The following CPNE9 variants were observed in gnomAD, a reference collection of about 807,000 sequenced individuals.
CPNE9 encodes copine family member 9, also known as copine-9.
In CPNE9, 59 loss-of-function variants were observed where a neutral mutation model predicts 83.0. The ratio of observed to expected loss-of-function variants is 0.71; its 90% CI spans 0.58 to 0.88. CPNE9 has a LOEUF of 0.88. Ranked by LOEUF, CPNE9 falls within the 40% of genes least tolerant of loss-of-function variation. The probability of loss-of-function intolerance (pLI) is 0.00; values close to 1 mark genes in which losing one functional copy is unlikely to be tolerated. For missense variants in CPNE9, 619 were observed against 720.8 expected (o/e 0.86, Z 1.62); for synonymous variants, 256 against 273.4 (o/e 0.94, Z 0.63).
chr3:9,709,363 A>AC (rs1189555451), intron 7 of CPNE9, among the ~76,000 whole-genome samples: 1 of 148,878 alleles, frequency 6.7e-6, no homozygotes, highest in African/African-American at 2.5e-5. Flanking sequence ...ATAAGTTTAT[A>AC]ATTTTTTTTT....
At chr3:9,721,235 C>T (rs778010975) in intron 17 of CPNE9, among the ~76,000 whole-genome samples, 2 of 152,162 alleles carry the variant, frequency 1.3e-5, no homozygotes, top group Admixed American at 6.5e-5. Context: ...ACCAGAGCTT[C>T]CCAGACTTTT....
At chr3:9,710,173 A>G (rs1486068865) in intron 7 of CPNE9, among the ~76,000 whole-genome samples, 1 of 152,134 alleles carries the variant, frequency 6.6e-6, no homozygotes, top group African/African-American at 2.4e-5. Flanking sequence ...AAATTATACT[A>G]CATTTACATA....
intron 12 of CPNE9, 45 bp from the exon 13 acceptor site, chr3:9,715,428 T>C (rs780007053): frequency 6.2e-7 from 1 of 1,611,474 alleles, no homozygotes; most frequent in African/African-American, 1.3e-5. Flanking sequence ...AGTCTGGACC[T>C]CCCTTCCTTT....
intron 7 of CPNE9, among the ~76,000 whole-genome samples, chr3:9,707,992 G>A (rs1255014324): frequency 5.9e-5 from 9 of 152,142 alleles, no homozygotes; most frequent in South Asian, 4.2e-4. Context: ...AGGCTGGAGC[G>A]CGATGGTGCA....
intron 7 of CPNE9, among the ~76,000 whole-genome samples, 199 bp downstream of exon 7, chr3:9,706,262 T>C (rs1476653776): frequency 6.6e-6 from 1 of 150,376 alleles, no homozygotes; most frequent in Admixed American, 6.6e-5. Context: ...GTCTTTTCTT[T>C]TCTTTTTTTT....
chr3:9,715,012 A>G (rs952226234), intron 11 of CPNE9, 57 bp downstream of exon 11: 30 of 1,513,610 alleles, frequency 2.0e-5, no homozygotes, highest in Non-Finnish European at 2.7e-5. Context: ...GTTCTCAATA[A>G]TATGTTGTAC....
intron 15 of CPNE9, 73 bp from the exon 16 acceptor site, chr3:9,717,956 C>A: frequency 7.7e-7 from 1 of 1,304,438 alleles, no homozygotes; most frequent in Non-Finnish European, 1.1e-6. Context: ...TGGATGAATG[C>A]ACACAAAGAT....
rs543123405 is a variant in CPNE9 at position 9,708,151 on chromosome 3, T to G, written c.377+2088T>G. On this transcript the variant is annotated intron_variant, in intron 7 of 20. Coordinates refer to ENST00000383832, the MANE Select transcript of CPNE9 (RefSeq NM_153635.3). ...TTTTTGTAGAAACAGGGGGCCTCATTGTGTTTTTCAGGCTGGTCTTGAACT... is the reference window on the plus strand; with the variant it reads ...TTTTTGTAGAAACAGGGGGCCTCATGGTGTTTTTCAGGCTGGTCTTGAACT... Among the ~76,000 whole-genome samples, 3 of 152,294 alleles carry G rather than the reference T, an allele frequency of 2.0e-5. No homozygotes were observed. The East Asian group carries it at 5.8e-4, about 29-fold the overall frequency.
chr3:9,727,294 C>G (rs749173484), intron 20 of CPNE9, 108 bp downstream of exon 20: 59 of 1,183,138 alleles, frequency 5.0e-5, no homozygotes, highest in Non-Finnish European at 7.4e-5. Flanking sequence ...TTTTTTCCCC[C>G]GTCACTCTTT....
rs2125456774 is a variant in CPNE9, at chr3:9,703,941, T to C, written c.-56T>C. On this transcript the variant is annotated 5_prime_UTR_variant, in exon 1 of 21. An upstream open reading frame in the 5' UTR loses its in-frame stop. Transcript: ENST00000383832. ...CCGGCCCCGCCGCTGCCGTCGCCCC[T>C]AGCCCCAGCAGCCCTGGTCTCGCAG... The C allele has an allele frequency of 6.8e-7, 1 of 1,470,724 alleles. No individual in the cohort carries two copies. Among genetic ancestry groups the C allele is most frequent in the South Asian group, 1.2e-5 (1 of 82,100 alleles). The allele number at this position is 1,470,724 out of a possible 1,614,324, so 91.1% of individuals were successfully genotyped here. A position where few individuals can be genotyped will look rare whatever the true frequency, so the allele number is the denominator to read the frequency against.
chr3:9,705,430 G>GC, intron 4 of CPNE9, 34 bp from the exon 5 acceptor site: 2 of 351,180 alleles, frequency 5.7e-6, no homozygotes, highest in Non-Finnish European at 9.9e-6. Flanking sequence ...CCCCCACCCA[G>GC]CCCCACCCCA....
chr3:9,712,558 A>C lies in CPNE9; in HGVS notation c.395A>C (p.Lys132Thr), dbSNP rs1438577132. ...GCTTCCAGGGGTGTACCAGGCAAGA[A>C]GTGTGGGACCATATTGCTGACTGCA... ...ERTLTGVPGKKCGTILLTAEE... is the reference protein window; with the variant it reads ...ERTLTGVPGKTCGTILLTAEE... Residue 132 changes from lysine to threonine, a missense_variant, in exon 8 of 21, where the codon AAG becomes ACG. Physicochemically the swap from Lys to Thr is moderately conservative, Grantham distance 78. Around this residue, in one of 3 missense-constraint regions of CPNE9, gnomAD observed 438 missense variants for 562.9 expected, o/e 0.78. Transcript: ENST00000383832. 4 of 1,614,126 alleles carry C rather than the reference A, an allele frequency of 2.5e-6. No homozygotes were observed. In the South Asian group the frequency reaches 4.4e-5, roughly 18 times the overall value.
chr3:9,718,424 C>T, intron 16 of CPNE9, 51 bp from the exon 17 acceptor site: 1 of 1,586,148 alleles, frequency 6.3e-7, no homozygotes, highest in Non-Finnish European at 8.6e-7. Context: ...TCAGAGCACT[C>T]CTGCATGTAC....
At position 9,704,135 on chromosome 3, in the gene CPNE9, C is replaced by A; in HGVS notation, c.68+71C>A. The A allele has an allele frequency of 6.9e-7, 1 of 1,453,838 alleles. No individual in the cohort carries two copies. Among genetic ancestry groups the A allele is most frequent in the Non-Finnish European group, 9.4e-7 (1 of 1,060,360 alleles). 90.1% of individuals were successfully genotyped at this position (1,453,838 alleles called of 1,614,324 possible). ...AGCCCCAGCCAGCCGCGGGGCTCAG[C>A]CTGGGCAGGGGCTAGACCCCCGGGG... On this transcript the variant is annotated intron_variant, in intron 1 of 20. Coordinates refer to ENST00000383832, the MANE Select transcript of CPNE9 (RefSeq NM_153635.3). The surrounding 1 kb of genome is among the most constrained non-coding windows in gnomAD (Gnocchi z 7.1).
chr3:9,718,483 T>C lies in CPNE9; in HGVS notation c.1122T>C (p.Asn374=), dbSNP rs376448708. Reference sequence around the variant, plus strand: ...GGCATATTCTTTGACAGAACAACAATGATGAGGACCCCAACTGTGCGGGCA... The same window carrying C: ...GGCATATTCTTTGACAGAACAACAACGATGAGGACCCCAACTGTGCGGGCA... ...RISHQFPLNN[N]DEDPNCAGIE... is the part of the protein sequence containing the mutation. The change falls in exon 17 of 21, where the codon AAT becomes AAC. Residue 374 remains asparagine, a synonymous_variant. Coordinates refer to ENST00000383832, the MANE Select transcript of CPNE9 (RefSeq NM_153635.3). The C allele has an allele frequency of 1.2e-6, 2 of 1,612,788 alleles. No individual in the cohort carries two copies. Among genetic ancestry groups the C allele is most frequent in the Admixed American group, 1.7e-5 (1 of 59,996 alleles).
intron 7 of CPNE9, among the ~76,000 whole-genome samples, chr3:9,708,676 C>T (rs1252973150): frequency 6.6e-6 from 1 of 150,948 alleles, no homozygotes; most frequent in African/African-American, 2.5e-5. Context: ...CTCTGTCACC[C>T]AGCTGGAGTG....
Position 9,706,130 on chromosome 3 carries a change from C to T in CPNE9, c.377+67C>T, listed in dbSNP as rs555023085. ...TCCAAATTCTCCCTCCCAAGGATGC[C>T]GCTGACTGATAGAAGTGGAGGCTGG... On this transcript the variant is annotated intron_variant, in intron 7 of 20. Transcript: ENST00000383832. 3.4e-5 allele frequency: 51 copies of T among 1,495,126 alleles called. No individual in the cohort carries two copies. The East Asian group carries it at 5.7e-4, about 17-fold the overall frequency. 92.6% of individuals were successfully genotyped at this position (1,495,126 alleles called of 1,614,324 possible).
In CPNE9 at chr3:9,715,358, A is replaced by T. The variant is rs763158123; in HGVS notation, c.762A>T (p.Val254=). Residue 254 remains valine (V), a synonymous_variant, in exon 12 of 21, where the codon GTA becomes GTT. Transcript: ENST00000383832. ...GCAAGGCCCAGAACCAGTTCACAGT[A>T]TATGAGGTGAGCATTCCAGCCCTGC... ...ELSKAQNQFT[V]YEVLNPRKKC... is the part of the protein sequence containing the mutation. 1 of 1,614,248 alleles carries T rather than the reference A, an allele frequency of 6.2e-7. No homozygotes were observed. The highest frequency in any genetic ancestry group is 1.1e-5 in the South Asian group (1 of 91,084).
At chr3:9,708,859 C>T (rs772720402) in intron 7 of CPNE9, among the ~76,000 whole-genome samples, 2 of 151,838 alleles carry the variant, frequency 1.3e-5, no homozygotes, top group Non-Finnish European at 2.9e-5. Context: ...TGGTCTCGAT[C>T]TCCTGACCTC....
Sources: gnomAD v4.1 joint callset for allele counts (sites outside exome capture counted in the v4.1 genomes callset) on GRCh38, gnomAD v4.1.1 for gene constraint, gnomAD v4.1.1 regional missense constraint, Gnocchi (gnomAD v3.1) non-coding constraint, MANE v1.5 for transcripts, NCBI Gene and HGNC (gene_info 2026-07-23, HGNC 2026-07-21) for gene names.